Variants in UNC79 observed in about 807,000 individuals in gnomAD.
UNC79 encodes unc-79 subunit of NALCN channel complex.
UNC79 carries 37 observed loss-of-function variants against 283.1 expected under a neutral mutation model. The ratio of observed to expected loss-of-function variants is 0.13; its 90% CI spans 0.10 to 0.17. The LOEUF is 0.17. Ranked by LOEUF, UNC79 falls within the 10% of genes least tolerant of loss-of-function variation. The pLI is 1.00. For synonymous variants in UNC79, 1,107 were observed against 1,200.2 expected (o/e 0.92, Z 1.61); for missense variants, 2,272 against 3,211.1 (o/e 0.71, Z 7.07).
intron 14 of UNC79, among the ~76,000 whole-genome samples, chr14:93,543,701 A>C (rs1300337295): frequency 6.6e-6 from 1 of 152,194 alleles, no homozygotes; most frequent in Non-Finnish European, 1.5e-5. Flanking sequence ...ATTTGCATCT[A>C]ACCCAGAAAG....
At chr14:93,520,428 G>A (rs2140957921) in intron 7 of UNC79, among the ~76,000 whole-genome samples, 1 of 151,838 alleles carries the variant, frequency 6.6e-6, no homozygotes, top group East Asian at 1.9e-4. Flanking sequence ...GAGCTTCTTG[G>A]ATTTGGGGGT....
chr14:93,542,704 G>A lies in UNC79; in HGVS notation c.1755+8G>A. 1 of 1,614,132 alleles carries A rather than the reference G, an allele frequency of 6.2e-7. No homozygotes were observed. Among genetic ancestry groups the A allele is most frequent in the Non-Finnish European group, 8.5e-7 (1 of 1,179,958 alleles). On this transcript the variant is annotated splice_region_variant and intron_variant, in intron 14 of 48. Transcript: ENST00000555664. ...CCCATGGAATTTGCCAGGGTAAGTG[G>A]AGGCCTACAGCTCACACCTTGTTAG...
chr14:93,621,743 A>C lies in UNC79; in HGVS notation c.4510A>C (p.Ile1504Leu), dbSNP rs1461382940. Reference sequence around the variant, plus strand: ...CTCTTTCAAACAAAAATCTCTTGATATAGGGAATGCAGACTCGCTTTTGTT... The same window carrying C: ...CTCTTTCAAACAAAAATCTCTTGATCTAGGGAATGCAGACTCGCTTTTGTT... The change falls in exon 30 of 49, where the codon ATA becomes CTA. Residue 1504 changes from isoleucine to leucine, a missense_variant. Ile to Leu is a conservative substitution (Grantham distance 5). Coordinates refer to ENST00000555664, the Ensembl canonical transcript of UNC79. This position sits in a 1 kb window ranked among gnomAD's most constrained non-coding sequence, Gnocchi z 4.8. 1 of 1,614,166 alleles carries C rather than the reference A, an allele frequency of 6.2e-7. No homozygotes were observed. Among genetic ancestry groups the C allele is most frequent in the South Asian group, 1.1e-5 (1 of 91,070 alleles).
At chr14:93,630,880 G>A (rs778028999) in exon 31 of UNC79, 37 of 1,613,810 alleles carry the variant, frequency 2.3e-5, no homozygotes, top group East Asian at 2.2e-5. Context: ...CAGGTGTGCC[G>A]GAAACAAGTA....
At chr14:93,566,568 G>A (rs1007992198) in intron 14 of UNC79, among the ~76,000 whole-genome samples, 1 of 151,872 alleles carries the variant, frequency 6.6e-6, no homozygotes, top group Non-Finnish European at 1.5e-5. Flanking sequence ...CAATAGTTCA[G>A]CATTCCTTCT....
At chr14:93,706,551 C>T (rs2075893321) in intron 48 of UNC79, among the ~76,000 whole-genome samples, 153 bp from the exon 52 acceptor site, 1 of 152,182 alleles carries the variant, frequency 6.6e-6, no homozygotes, top group South Asian at 2.1e-4. Context: ...ATCCCCCGCC[C>T]TGGGCACTGC....
intron 32 of UNC79, among the ~76,000 whole-genome samples, chr14:93,639,592 A>G (rs1228759547): frequency 2.6e-5 from 4 of 152,236 alleles, no homozygotes; most frequent in Non-Finnish European, 5.9e-5. Flanking sequence ...GCTGATAAAC[A>G]TAGTAGTAAA....
intron 1 of UNC79, among the ~76,000 whole-genome samples, chr14:93,402,547 CATT>C (rs1428257191): frequency 6.6e-6 from 1 of 151,616 alleles, no homozygotes; most frequent in Non-Finnish European, 1.5e-5. Context: ...TGAAATGAAA[CATT>C]AATTGGGATA....
intron 1 of UNC79, among the ~76,000 whole-genome samples, chr14:93,449,098 C>G (rs1275685999): frequency 6.6e-6 from 1 of 152,124 alleles, no homozygotes; most frequent in Non-Finnish European, 1.5e-5. Flanking sequence ...CAGTCTGTCC[C>G]CATCCTTTCA....
intron 1 of UNC79, among the ~76,000 whole-genome samples, chr14:93,446,274 A>G (rs534595009): frequency 6.6e-6 from 1 of 152,346 alleles, no homozygotes; most frequent in Admixed American, 6.5e-5. Flanking sequence ...GCATTGCTTC[A>G]TAAGTCCTGC....
rs888230504 is a variant in UNC79 at position 93,474,301 on chromosome 14, T to G, written c.356T>G (p.Leu119Trp). The G allele has an allele frequency of 6.5e-7, 1 of 1,535,980 alleles. No homozygotes were observed. The highest frequency in any genetic ancestry group is 1.4e-5 in the African/African-American group (1 of 73,040). ...GGCCCGCAAAGTCGTGATGCTCAGT[T>G]GTCAGACTACCCTTCTTTGGACTAC... Residue 119 changes from leucine to tryptophan, a missense_variant, in exon 3 of 49, where the codon TTG becomes TGG. Leu to Trp is a moderately conservative substitution (Grantham distance 61). This residue lies in a region of UNC79 where 194 missense variants were observed against 268.9 expected (regional missense o/e 0.72). Transcript: ENST00000555664. The surrounding 1 kb of genome is among the most constrained non-coding windows in gnomAD (Gnocchi z 4.1).
chr14:93,449,866 C>T (rs1227969989), intron 1 of UNC79, among the ~76,000 whole-genome samples: 2 of 151,946 alleles, frequency 1.3e-5, no homozygotes, highest in African/African-American at 4.8e-5. Context: ...ATTAAATCAG[C>T]GGTGGGTATA....
chr14:93,642,537 A>T (rs905259466), intron 33 of UNC79, among the ~76,000 whole-genome samples: 2 of 152,086 alleles, frequency 1.3e-5, no homozygotes, highest in Non-Finnish European at 2.9e-5. Flanking sequence ...ATGACTGAAG[A>T]AGCGGTGGTG....
At chr14:93,498,727 G>A (rs1376403696) in intron 7 of UNC79, among the ~76,000 whole-genome samples, 5 of 151,984 alleles carry the variant, frequency 3.3e-5, no homozygotes, top group South Asian at 2.1e-4. Flanking sequence ...AAAATCCTGC[G>A]AAACAAACAA....
At chr14:93,694,270 C>A in intron 46 of UNC79, 65 bp from the exon 50 acceptor site, 2 of 1,520,030 alleles carry the variant, frequency 1.3e-6, no homozygotes, top group African/African-American at 1.4e-5. Context: ...TCTGCGGCTG[C>A]AAACTAGTTT....
exon 12 of UNC79, chr14:93,538,189 G>C: frequency 6.2e-7 from 1 of 1,606,752 alleles, no homozygotes; most frequent in Non-Finnish European, 8.5e-7. Flanking sequence ...GCGCTGAGGA[G>C]CTGGTCTGCG....
intron 6 of UNC79, among the ~76,000 whole-genome samples, 167 bp downstream of exon 6, chr14:93,496,633 T>C (rs998864749): frequency 1.3e-5 from 2 of 152,206 alleles, no homozygotes; most frequent in African/African-American, 4.8e-5. Context: ...TATTTATCAT[T>C]TAGAGCAGAA....
intron 4 of UNC79, among the ~76,000 whole-genome samples, chr14:93,485,620 CTTGATTAATCACAT>C (rs1272943484): frequency 6.6e-6 from 1 of 152,110 alleles, no homozygotes; most frequent in Non-Finnish European, 1.5e-5. Flanking sequence ...GTTCTTCTTT[CTTGATTAATCACAT>C]TTGATTAATC....
intron 47 of UNC79, among the ~76,000 whole-genome samples, chr14:93,700,505 C>A (rs894032435): frequency 1.3e-5 from 2 of 151,704 alleles, no homozygotes; most frequent in Non-Finnish European, 2.9e-5. Flanking sequence ...ATGGATTTTT[C>A]TCCTCATTCG....
Sources: allele counts gnomAD v4.1 joint callset (sites outside exome capture counted in the v4.1 genomes callset), GRCh38; gene constraint gnomAD v4.1.1; regional missense constraint gnomAD v4.1.1; non-coding constraint Gnocchi (gnomAD v3.1); transcripts MANE v1.5; gene names NCBI Gene and HGNC (gene_info 2026-07-23, HGNC 2026-07-21).